The following ALK variants were observed in gnomAD, a reference collection of about 807,000 sequenced individuals.
ALK encodes the protein ALK tyrosine kinase receptor.
In ALK, 74 loss-of-function variants were observed where a neutral mutation model predicts 163.1. That is an observed-to-expected ratio of 0.45 (90% CI 0.38 to 0.55). ALK has a LOEUF of 0.55. ALK is among the 20% of genes least tolerant of loss of function. ALK has a pLI of 0.00. For synonymous variants in ALK, 960 were observed against 843.2 expected (o/e 1.14, Z -2.40); for missense variants, 2,063 against 2,105.3 (o/e 0.98, Z 0.39).
At chr2:29,865,278 C>T (rs1028071073) in intron 1 of ALK, among the ~76,000 whole-genome samples, 16 of 152,190 alleles carry the variant, frequency 1.1e-4, no homozygotes, top group Non-Finnish European at 1.5e-5. Flanking sequence ...CTAATTCCTA[C>T]TAGCTCCAGC....
rs1298235904 is a variant in ALK, at chr2:29,227,653, G to A, written c.2835C>T (p.Asn945=). The A allele has an allele frequency of 6.2e-7, 1 of 1,613,856 alleles. No homozygotes were observed. Among genetic ancestry groups the A allele is most frequent in the African/African-American group, 1.3e-5 (1 of 74,892 alleles). The change falls in exon 17 of 29, where the codon AAC becomes AAT. Residue 945 remains asparagine (N), a synonymous_variant. Transcript: ENST00000389048. This position sits in a 1 kb window ranked among gnomAD's most constrained non-coding sequence, Gnocchi z 4.4. ...CTTCCCCATCCATTTCGGGGTCATTGTTTGAGGCTGCATTGCCGCCTGAGT... is the reference window on the plus strand; with the variant it reads ...CTTCCCCATCCATTTCGGGGTCATTATTTGAGGCTGCATTGCCGCCTGAGT... ...GGYIGGNAAS[N]NDPEMDGEDG...
intron 4 of ALK, among the ~76,000 whole-genome samples, chr2:29,395,547 T>C (rs1387225793): frequency 1.3e-5 from 2 of 151,872 alleles, no homozygotes; most frequent in Non-Finnish European, 2.9e-5. Context: ...CATTGGAGGG[T>C]CTTCAGAAGC....
At chr2:29,392,440 G>A (rs1398984916) in intron 4 of ALK, among the ~76,000 whole-genome samples, 1 of 152,182 alleles carries the variant, frequency 6.6e-6, no homozygotes, top group Non-Finnish European at 1.5e-5. Flanking sequence ...GGTGGGTTGT[G>A]CTTGAAGAAC....
chr2:29,625,130 A>G (rs1359326932), intron 3 of ALK, among the ~76,000 whole-genome samples: 3 of 152,222 alleles, frequency 2.0e-5, no homozygotes, highest in Non-Finnish European at 4.4e-5. Flanking sequence ...AAGGAAGAGC[A>G]TCTGTAGCTA....
intron 4 of ALK, among the ~76,000 whole-genome samples, chr2:29,520,178 T>C (rs918515724): frequency 2.0e-5 from 3 of 152,146 alleles, no homozygotes; most frequent in Non-Finnish European, 4.4e-5. Context: ...CAGCATTTGC[T>C]CGGCAGTGTA....
chr2:29,695,008 T>A lies in ALK; in HGVS notation c.794A>T (p.Glu265Val). The A allele has an allele frequency of 6.2e-7, 1 of 1,613,998 alleles. No individual in the cohort carries two copies. Among genetic ancestry groups the A allele is most frequent in the Non-Finnish European group, 8.5e-7 (1 of 1,179,970 alleles). The stretch of plus-strand genomic sequence containing the variant: ...CTCACAGGGGAAGTCAAAGCTGCAC[T>A]CCAGACCTGCAATAATAGCCAAGGG... ...FLSHRSRYGL[E>V]CSFDFPCELE... The change falls in exon 3 of 29, where the codon GAG becomes GTG. Residue 265 changes from glutamate (E) to valine (V), a missense_variant. This residue lies in a region of ALK where 987 missense variants were observed against 939.5 expected (regional missense o/e 1.05). Transcript: ENST00000389048.
At chr2:29,276,138 T>C (rs1665542089) in intron 9 of ALK, among the ~76,000 whole-genome samples, 1 of 152,182 alleles carries the variant, frequency 6.6e-6, no homozygotes, top group African/African-American at 2.4e-5. Context: ...ATCCATTGAT[T>C]AGCCCAGCAG....
intron 3 of ALK, among the ~76,000 whole-genome samples, chr2:29,650,465 T>C (rs1677007489): frequency 6.6e-6 from 1 of 152,166 alleles, no homozygotes; most frequent in East Asian, 1.9e-4. Context: ...GGTGGCTTAT[T>C]ACTAGAAGTA....
chr2:29,758,217 G>T (rs1405744824), intron 1 of ALK, among the ~76,000 whole-genome samples: 1 of 151,778 alleles, frequency 6.6e-6, no homozygotes, highest in African/African-American at 2.4e-5. Flanking sequence ...TTGCTATGTT[G>T]GCCAGGCTGG....
At position 29,389,441 on chromosome 2, in the gene ALK, G is replaced by A. The variant is rs1008075394; in HGVS notation, c.1155-5582C>T. On this transcript the variant is annotated intron_variant, in intron 4 of 28. Transcript: ENST00000389048. ...TGAGCAGAGGCCACATAGACAGTGT[G>A]TGTTTGGAGAACAGGTGGTCCAATC... is the stretch of plus-strand genomic sequence containing the variant. Among the ~76,000 whole-genome samples, 11 of 152,328 alleles carry A rather than the reference G, an allele frequency of 7.2e-5. No individual in the cohort carries two copies. The East Asian group carries it at 1.9e-3, about 27-fold the overall frequency.
intron 26 of ALK, among the ~76,000 whole-genome samples, chr2:29,203,028 C>G (rs1038681468): frequency 2.0e-5 from 3 of 152,198 alleles, no homozygotes; most frequent in African/African-American, 7.2e-5. Context: ...GGTGCTCTAA[C>G]TTCCCTGCAT....
At chr2:29,777,212 T>C (rs1365193798) in intron 1 of ALK, among the ~76,000 whole-genome samples, 1 of 152,216 alleles carries the variant, frequency 6.6e-6, no homozygotes. Flanking sequence ...ATCAGAATCC[T>C]ATTAGATTTT....
intron 1 of ALK, among the ~76,000 whole-genome samples, chr2:29,854,631 T>C (rs1666091049): frequency 6.6e-6 from 1 of 152,220 alleles, no homozygotes; most frequent in Non-Finnish European, 1.5e-5. Flanking sequence ...AATGCACTAA[T>C]GTAGTTCATC....
At chr2:29,821,415 C>A (rs1341662871) in intron 1 of ALK, among the ~76,000 whole-genome samples, 1 of 152,154 alleles carries the variant, frequency 6.6e-6, no homozygotes, top group East Asian at 1.9e-4. Context: ...GGGAAGGGGA[C>A]AAGCACCAAT....
At chr2:29,656,633 A>C (rs888803454) in intron 3 of ALK, among the ~76,000 whole-genome samples, 16 of 152,206 alleles carry the variant, frequency 1.1e-4, no homozygotes, top group Admixed American at 9.8e-4. Flanking sequence ...TTTTACACAC[A>C]AGGAACCTGA....
intron 1 of ALK, among the ~76,000 whole-genome samples, chr2:29,889,284 ACT>A (rs1667072206): frequency 6.6e-6 from 1 of 151,920 alleles, no homozygotes. Context: ...TATATCATAT[ACT>A]CTCTATATAT....
intron 5 of ALK, among the ~76,000 whole-genome samples, chr2:29,336,980 C>CATGGGG (rs1417538869): frequency 2.0e-5 from 3 of 152,030 alleles, no homozygotes; most frequent in Non-Finnish European, 4.4e-5. Flanking sequence ...TCAGGTCAAA[C>CATGGGG]CTGGGGCTGG....
rs376175333 is a variant in ALK, at chr2:29,251,182, G to A, written c.2127C>T (p.Asn709=). Residue 709 remains asparagine, a synonymous_variant, in exon 12 of 29, where the codon AAC becomes AAT. Transcript: ENST00000389048. ...AQCNNAYQNS[N]LSVEVGSEGP... is the part of the protein sequence containing the mutation. Reference sequence around the variant, plus strand: ...CCTCGCTCCCCACCTCCACGCTCAGGTTGGAGTTCTGGTAGGCGTTGTTGC... The same window carrying A: ...CCTCGCTCCCCACCTCCACGCTCAGATTGGAGTTCTGGTAGGCGTTGTTGC... The A allele has an allele frequency of 6.2e-7, 1 of 1,614,054 alleles. No homozygotes were observed. The highest frequency in any genetic ancestry group is 8.5e-7 in the Non-Finnish European group (1 of 1,180,020).
intron 1 of ALK, among the ~76,000 whole-genome samples, chr2:29,760,770 C>A (rs1281595102): frequency 3.9e-5 from 6 of 152,168 alleles, no homozygotes; most frequent in African/African-American, 1.4e-4. Flanking sequence ...AACTCTGGAA[C>A]CCAACCATGC....
Sources: allele counts gnomAD v4.1 joint callset (sites outside exome capture counted in the v4.1 genomes callset), GRCh38; gene constraint gnomAD v4.1.1; regional missense constraint gnomAD v4.1.1; non-coding constraint Gnocchi (gnomAD v3.1); transcripts MANE v1.5; gene names NCBI Gene and HGNC (gene_info 2026-07-23, HGNC 2026-07-21).